ADAMTS3: variants seen among roughly 807,000 people sequenced by gnomAD.
The protein encoded by ADAMTS3 is A disintegrin and metalloproteinase with thrombospondin motifs 3.
A neutral mutation model predicts 129.0 loss-of-function variants in ADAMTS3; 73 were observed. That is an observed-to-expected ratio of 0.57 (90% CI 0.47 to 0.69). ADAMTS3 has a LOEUF of 0.69. Among genes scored for constraint, ADAMTS3 ranks in the 30% least tolerant of loss-of-function variants. ADAMTS3 has a pLI of 0.00. For missense variants in ADAMTS3, 1,457 were observed against 1,514.5 expected (o/e 0.96, Z 0.63); for synonymous variants, 477 against 510.8 (o/e 0.93, Z 0.89).
intron 3 of ADAMTS3, among the ~76,000 whole-genome samples, chr4:72,491,684 A>G (rs1239597423): frequency 6.6e-6 from 1 of 151,760 alleles, no homozygotes; most frequent in Non-Finnish European, 1.5e-5. Flanking sequence ...TATTTCCTTG[A>G]GGATTTTTGC....
At chr4:72,338,088 T>A (rs1720035681) in intron 5 of ADAMTS3, among the ~76,000 whole-genome samples, 1 of 152,172 alleles carries the variant, frequency 6.6e-6, no homozygotes. Context: ...TATTTGTGCA[T>A]CTGTATATGG....
Position 72,519,778 on chromosome 4 carries a change from T to G in ADAMTS3, c.504+28700A>C, listed in dbSNP as rs182844293. On this transcript the variant is annotated intron_variant, in intron 3 of 21. Transcript: ENST00000286657. ...AAGTTTTCAACTTCTTTGCCTTTGG[T>G]TTGAATTTCTTCCTGTAGCTCGGAG... Among the ~76,000 whole-genome samples, 987 of 152,328 alleles carry G rather than the reference T, an allele frequency of 6.5e-3. 8 individuals carry two copies. The highest frequency in any genetic ancestry group is 0.011 in the Non-Finnish European group (731 of 68,030).
intron 4 of ADAMTS3, among the ~76,000 whole-genome samples, chr4:72,344,760 T>C (rs547397286): frequency 6.6e-6 from 1 of 152,174 alleles, no homozygotes; most frequent in East Asian, 1.9e-4. Flanking sequence ...AGCAGTTCTA[T>C]GGGGTGATCC....
intron 4 of ADAMTS3, among the ~76,000 whole-genome samples, chr4:72,378,636 A>G (rs1721195430): frequency 6.6e-6 from 1 of 152,062 alleles, no homozygotes. Context: ...ATCACCATCA[A>G]CATGACTTGA....
At chr4:72,474,853 C>A (rs1158168206) in intron 3 of ADAMTS3, among the ~76,000 whole-genome samples, 1 of 151,460 alleles carries the variant, frequency 6.6e-6, no homozygotes, top group Non-Finnish European at 1.5e-5. Flanking sequence ...GGTGAAACCC[C>A]GTCTCTACTA....
intron 4 of ADAMTS3, among the ~76,000 whole-genome samples, chr4:72,374,539 A>C (rs547482628): frequency 6.6e-6 from 1 of 152,216 alleles, no homozygotes; most frequent in Non-Finnish European, 1.5e-5. Context: ...GTTGTCACTA[A>C]TTATTAACTA....
intron 1 of ADAMTS3, chr4:72,568,121 GC>G (rs756060112): frequency 6.5e-6 from 1 of 153,174 alleles, no homozygotes; most frequent in Non-Finnish European, 1.5e-5. Flanking sequence ...AACGTCTCCA[GC>G]CCCCCTCCCC....
intron 4 of ADAMTS3, among the ~76,000 whole-genome samples, chr4:72,375,239 G>A (rs529425093): frequency 1.3e-5 from 2 of 152,234 alleles, no homozygotes; most frequent in East Asian, 3.9e-4. Context: ...TCATCCTGGT[G>A]AGGCAGCAAA....
chr4:72,473,470 T>C (rs964951915), intron 3 of ADAMTS3, among the ~76,000 whole-genome samples: 4 of 151,272 alleles, frequency 2.6e-5, no homozygotes, highest in African/African-American at 9.8e-5. Flanking sequence ...ATGCTCTCTC[T>C]AGCCAATGGT....
intron 3 of ADAMTS3, among the ~76,000 whole-genome samples, chr4:72,432,173 C>T (rs1009226213): frequency 6.6e-6 from 1 of 151,894 alleles, no homozygotes; most frequent in Non-Finnish European, 1.5e-5. Flanking sequence ...GTTTCCTCCA[C>T]AATTAGGTGT....
At position 72,296,304 on chromosome 4, in the gene ADAMTS3, TC is replaced by T. The variant is rs535181600; in HGVS notation, c.2591-519del. Among the ~76,000 whole-genome samples, 77 of 152,156 alleles carry T rather than the reference TC, an allele frequency of 5.1e-4. 2 individuals are homozygous for T. In the South Asian group the frequency reaches 0.016, roughly 32 times the overall value. ...AAATAACGTGTGAAAAACTGCGGTT[TC>T]TTCATGTGGCTAGAGGATCATGTGT... On this transcript the variant is annotated intron_variant, in intron 18 of 21. Transcript: ENST00000286657.
intron 9 of ADAMTS3, 116 bp downstream of exon 9, chr4:72,319,216 T>A (rs1420599967): frequency 8.0e-7 from 1 of 1,251,074 alleles, no homozygotes; most frequent in Non-Finnish European, 1.1e-6. Context: ...AAGAAAATGT[T>A]TATCAGTAAT....
chr4:72,513,735 C>T (rs1036238825), intron 3 of ADAMTS3, among the ~76,000 whole-genome samples: 3 of 152,028 alleles, frequency 2.0e-5, no homozygotes, highest in Non-Finnish European at 4.4e-5. Flanking sequence ...AGTTTTTTTA[C>T]ATAAATATAT....
intron 3 of ADAMTS3, among the ~76,000 whole-genome samples, chr4:72,447,142 G>T (rs1718276780): frequency 6.6e-6 from 1 of 151,660 alleles, no homozygotes; most frequent in Admixed American, 6.6e-5. Context: ...GCTCTAAGTA[G>T]AAGAACAGAT....
intron 5 of ADAMTS3, among the ~76,000 whole-genome samples, chr4:72,333,848 C>CTTTTT (rs6148516): frequency 0.018 from 1,792 of 99,380 alleles, 106 homozygotes; most frequent in African/African-American, 0.021. Flanking sequence ...TGTTTGCTTG[C>CTTTTT]TTTTTTTTTT....
chr4:72,474,217 C>A (rs934087265), intron 3 of ADAMTS3, among the ~76,000 whole-genome samples: 2 of 152,082 alleles, frequency 1.3e-5, no homozygotes, highest in African/African-American at 4.8e-5. Context: ...TGAAAAAAGA[C>A]AATTAATAGA....
chr4:72,567,720 T>C (rs1346120776), intron 1 of ADAMTS3, among the ~76,000 whole-genome samples: 1 of 152,218 alleles, frequency 6.6e-6, no homozygotes, highest in Non-Finnish European at 1.5e-5. Flanking sequence ...AAGTATGAAT[T>C]TAACAGGCCA....
intron 19 of ADAMTS3, among the ~76,000 whole-genome samples, chr4:72,293,561 T>C (rs1718731203): frequency 6.6e-6 from 1 of 152,168 alleles, no homozygotes; most frequent in African/African-American, 2.4e-5. Flanking sequence ...TTCTGTTCTA[T>C]GGAATCTTTT....
chr4:72,295,878 T>C (rs1052850184), intron 18 of ADAMTS3, 92 bp from the exon 19 acceptor site: 19 of 1,459,844 alleles, frequency 1.3e-5, no homozygotes, highest in Admixed American at 3.9e-5. Context: ...CATTTATTCA[T>C]CCATTCAATA....
Sources: allele counts gnomAD v4.1 joint callset (sites outside exome capture counted in the v4.1 genomes callset), GRCh38; gene constraint gnomAD v4.1.1; transcripts MANE v1.5; gene names NCBI Gene and HGNC (gene_info 2026-07-23, HGNC 2026-07-21).